SLC22A12: variants seen among roughly 807,000 people sequenced by gnomAD.
The protein encoded by SLC22A12 is organic anion transporter 4-like protein.
In SLC22A12, 56 loss-of-function variants were observed where a neutral mutation model predicts 52.7. The ratio of observed to expected loss-of-function variants is 1.06; its 90% CI spans 0.86 to 1.33. The LOEUF (loss-of-function observed/expected upper bound fraction) is 1.33, where lower values mean the gene tolerates loss of function less well. SLC22A12 is among the 40% of genes most tolerant of loss of function. SLC22A12 has a pLI of 0.00. For missense variants in SLC22A12, 683 were observed against 741.5 expected (o/e 0.92, Z 0.92); for synonymous variants, 337 against 324.6 (o/e 1.04, Z -0.41).
intron 9 of SLC22A12, 75 bp from the exon 10 acceptor site, chr11:64,601,413 C>T (rs2039450690): frequency 1.0e-5 from 15 of 1,499,772 alleles, no homozygotes; most frequent in Non-Finnish European, 1.3e-5. Flanking sequence ...CCCTGGAGTC[C>T]TTGGGATGGA....
chr11:64,599,066 G>T (rs1270510425), intron 6 of SLC22A12, 143 bp downstream of exon 6: 1 of 1,270,736 alleles, frequency 7.9e-7, no homozygotes, highest in Admixed American at 2.0e-5. Context: ...AGTCACTCCC[G>T]ACAGGAGACA....
In SLC22A12 at chr11:64,598,546, C is replaced by T. The variant is rs140154051; in HGVS notation, c.861C>T (p.Leu287=). 17 of 1,598,900 alleles carry T rather than the reference C, an allele frequency of 1.1e-5. No homozygotes were observed. The highest frequency in any genetic ancestry group is 1.4e-5 in the Non-Finnish European group (17 of 1,174,022). The change falls in exon 5 of 10, where the codon CTC becomes CTT. Residue 287 remains leucine, a synonymous_variant. Coordinates refer to ENST00000377574, the MANE Select transcript of SLC22A12 (RefSeq NM_144585.4). ...TGGCAGAGTCGGCACGATGGCTCCT[C>T]ACCACAGGCAGGCTGGATTGGGGCC... ...WWLAESARWL[L]TTGRLDWGLQ...
chr11:64,593,242 C>T (rs1218728654), intron 2 of SLC22A12, among the ~76,000 whole-genome samples, 163 bp from the exon 3 acceptor site: 4 of 152,242 alleles, frequency 2.6e-5, no homozygotes, highest in African/African-American at 4.8e-5. Flanking sequence ...CCTTGTGCTC[C>T]GGAGGGTTCC....
In SLC22A12 at chr11:64,591,759, G is replaced by A; in HGVS notation, c.203G>A (p.Ser68Asn). The A allele has an allele frequency of 6.2e-7, 1 of 1,612,956 alleles. No homozygotes were observed. The highest frequency in any genetic ancestry group is 8.5e-7 in the Non-Finnish European group (1 of 1,180,014). The part of the protein sequence containing the change: ...TAQASILGSL[S>N]PEALLAISIP... ...CAGGCCAGCATCCTAGGGAGCTTGAGTCCTGAGGCCCTCCTGGCTATTTCC... is the reference window on the plus strand; with the variant it reads ...CAGGCCAGCATCCTAGGGAGCTTGAATCCTGAGGCCCTCCTGGCTATTTCC... The change falls in exon 1 of 10, where the codon AGT becomes AAT. Residue 68 changes from serine (S) to asparagine (N), a missense_variant. Transcript: ENST00000377574.
At chr11:64,600,037 T>C (rs1325989351) in intron 7 of SLC22A12, 147 bp downstream of exon 7, 1 of 979,936 alleles carries the variant, frequency 1.0e-6, no homozygotes, top group Non-Finnish European at 1.5e-6. Flanking sequence ...CAGACGGCAG[T>C]GTCTGCACTG....
In SLC22A12 at chr11:64,591,568, T is replaced by C. The variant is rs138704367; in HGVS notation, c.12T>C (p.Ser4=). Residue 4 remains serine, a synonymous_variant, in exon 1 of 10, where the codon TCT becomes TCC. Transcript: ENST00000377574. MAF[S]ELLDLVGGLG... is the part of the protein sequence containing the mutation. ...CTTGAGTAGGTTCCATGGCATTTTC[T>C]GAACTCCTGGACCTCGTGGGTGGCC... 4.1e-5 allele frequency: 66 copies of C among 1,612,278 alleles called. No homozygotes were observed. The highest frequency in any genetic ancestry group is 5.3e-5 in the Non-Finnish European group (62 of 1,180,028).
rs752109186 is a variant in SLC22A12 at position 64,593,617 on chromosome 11, C to G, written c.662-18C>G. On this transcript the variant is annotated intron_variant, in intron 3 of 9. Coordinates refer to ENST00000377574, the MANE Select transcript of SLC22A12 (RefSeq NM_144585.4). ...CTCCATGCAGGCTCCAGGGCTGAAC[C>G]ACTCGGTCTCCTTGCAGTGATGGAG... The G allele has an allele frequency of 1.6e-4, 252 of 1,614,068 alleles. 2 individuals carry two copies. In the East Asian group the frequency reaches 5.6e-3, roughly 36 times the overall value.
chr11:64,592,943 C>G (rs551791401), intron 2 of SLC22A12, 61 bp downstream of exon 2: 20 of 1,468,908 alleles, frequency 1.4e-5, no homozygotes, highest in South Asian at 1.0e-4. Flanking sequence ...CTCCTAGGAC[C>G]CTGGCCGACT....
At position 64,598,451 on chromosome 11, in the gene SLC22A12, G is replaced by A. The variant is rs1432222711; in HGVS notation, c.831-65G>A. ...CAGTGGGTACAGGGTAGCAGTCTGA[G>A]GCTGGCGCAGGCCAGGCACTGGGGG... On this transcript the variant is annotated intron_variant, in intron 4 of 9. Transcript: ENST00000377574. The A allele has an allele frequency of 8.4e-6, 13 of 1,547,226 alleles. No homozygotes were observed. The East Asian group carries it at 2.7e-4, about 32-fold the overall frequency.
chr11:64,601,538 CCA>C lies in SLC22A12; in HGVS notation c.1654_1655del (p.Gln552ValfsTer53), dbSNP rs1565142996. 1.9e-6 allele frequency: 3 copies of C among 1,613,824 alleles called. No individual in the cohort carries two copies. Among genetic ancestry groups the C allele is most frequent in the Non-Finnish European group, 2.5e-6 (3 of 1,179,950 alleles). On this transcript the variant is annotated frameshift_variant, in exon 10 of 10. Coordinates refer to ENST00000377574, the MANE Select transcript of SLC22A12 (RefSeq NM_144585.4). LOFTEE classifies it high-confidence loss of function. ...ACGCTGGGGAACTCTGTCCTAAAAT[CCA>C]CACAGTTTTAGCCTCCTGGGGAACC...
Position 64,600,888 on chromosome 11 carries a change from C to T in SLC22A12, c.1548C>T (p.Pro516=), listed in dbSNP as rs145764379. The change falls in exon 9 of 10, where the codon CCC becomes CCT. Residue 516 remains proline, a synonymous_variant. Coordinates refer to ENST00000377574, the MANE Select transcript of SLC22A12 (RefSeq NM_144585.4). ...GTGGCCTGGCCGCACTGCTTCTGCC[C>T]GAGACCCAGAGCTTGCCGCTGCCCG... The part of the protein sequence containing the change: ...VLSGLAALLL[P]ETQSLPLPDT... 1.6e-5 allele frequency: 26 copies of T among 1,609,554 alleles called. No individual in the cohort carries two copies. The highest frequency in any genetic ancestry group is 3.3e-5 in the Admixed American group (2 of 60,006).
rs1277326860 is a variant in SLC22A12 at position 64,593,405 on chromosome 11, G to A, written c.507G>A (p.Arg169=). 8 of 1,614,140 alleles carry A rather than the reference G, an allele frequency of 5.0e-6. No homozygotes were observed. The part of the protein sequence containing the change: ...GAAACGPASD[R]FGRRLVLTWS... The stretch of plus-strand genomic sequence containing the variant: ...TGCCTCTTCCTGGTTTGTGCCGCAG[G>A]TTTGGGCGCAGGCTGGTGCTAACCT... Residue 169 remains arginine, a splice_region_variant and synonymous_variant, in exon 3 of 10, where the codon AGG becomes AGA. Transcript: ENST00000377574.
At chr11:64,600,640 T>TG (rs891770390) in intron 8 of SLC22A12, 95 bp from the exon 9 acceptor site, 4 of 1,562,940 alleles carry the variant, frequency 2.6e-6, no homozygotes, top group Admixed American at 3.4e-5. Flanking sequence ...CCTGACCCCC[T>TG]GGGTCTCCCT....
Position 64,598,504 on chromosome 11 carries a change from C to T in SLC22A12, c.831-12C>T. On this transcript the variant is annotated splice_polypyrimidine_tract_variant and intron_variant, in intron 4 of 9. Transcript: ENST00000377574. The stretch of plus-strand genomic sequence containing the variant: ...ACAGGCAATGACCCCTCCCACGCCC[C>T]CTCCACTTAAGGTGGCTGGCAGAGT... 8 of 1,567,600 alleles carry T rather than the reference C, an allele frequency of 5.1e-6. No individual in the cohort carries two copies. The highest frequency in any genetic ancestry group is 6.9e-6 in the Non-Finnish European group (8 of 1,157,538).
intron 4 of SLC22A12, among the ~76,000 whole-genome samples, chr11:64,594,703 G>A (rs2039037684): frequency 6.7e-6 from 1 of 148,888 alleles, no homozygotes. Context: ...ATGGATGGAT[G>A]GATGGATGGA....
chr11:64,599,597 A>AC lies in SLC22A12; in HGVS notation c.1071-77dup. On this transcript the variant is annotated intron_variant, in intron 6 of 9. Transcript: ENST00000377574. ...CAGCACACCCCCACCCTGAGCCCCC[A>AC]CCGCCCATTGTTCCCACCCTGCCCA... 1.5e-3 allele frequency: 139 copies of AC among 92,938 alleles called. 1 individual carries two copies. Among genetic ancestry groups the AC allele is most frequent in the South Asian group, 3.6e-3 (38 of 10,532 alleles). The allele number at this position is 92,938 out of a possible 1,614,324, so 5.8% of individuals were successfully genotyped here. A position where few individuals can be genotyped will look rare whatever the true frequency, so the allele number is the denominator to read the frequency against.
chr11:64,593,027 C>T (rs1249858398), intron 2 of SLC22A12, 145 bp downstream of exon 2: 4 of 711,922 alleles, frequency 5.6e-6, no homozygotes, highest in Non-Finnish European at 9.4e-6. Flanking sequence ...GGACCAGCCA[C>T]CCTGCAGCCG....
chr11:64,598,467 G>T (rs1459280721), intron 4 of SLC22A12, 49 bp from the exon 5 acceptor site: 1 of 1,550,408 alleles, frequency 6.4e-7, no homozygotes, highest in East Asian at 2.4e-5. Context: ...CGCAGGCCAG[G>T]CACTGGGGGC....
chr11:64,599,258 C>T (rs374935564), intron 6 of SLC22A12, among the ~76,000 whole-genome samples: 7 of 152,178 alleles, frequency 4.6e-5, no homozygotes, highest in South Asian at 2.1e-4. Flanking sequence ...CCAGGGAGGG[C>T]GGAGAGGGCT....
Sources: gnomAD v4.1 joint callset for allele counts (sites outside exome capture counted in the v4.1 genomes callset) on GRCh38, gnomAD v4.1.1 for gene constraint, MANE v1.5 for transcripts, NCBI Gene and HGNC (gene_info 2026-07-23, HGNC 2026-07-21) for gene names.